Variants in SRRM4 observed in about 807,000 individuals in gnomAD.
The protein encoded by SRRM4 is serine/arginine repetitive matrix protein 4.
Under a neutral mutation model 68.9 loss-of-function variants are expected in SRRM4, and 33 were observed. The ratio of observed to expected loss-of-function variants is 0.48; its 90% confidence interval spans 0.36 to 0.64. The LOEUF (loss-of-function observed/expected upper bound fraction) is 0.64, where lower values mean the gene tolerates loss of function less well. Ranked by LOEUF, SRRM4 falls within the 30% of genes least tolerant of loss-of-function variation. SRRM4 has a pLI of 0.00. For missense variants in SRRM4, 817 were observed against 827.1 expected, an observed-to-expected ratio of 0.99 and a Z score of 0.15; for synonymous variants, 318 against 318.8, an observed-to-expected ratio of 1.00 and a Z score of 0.03.
intron 1 of SRRM4, among the ~76,000 whole-genome samples, chr12:119,087,260 G>A (rs186300707): frequency 1.2e-4 from 18 of 152,318 alleles, no homozygotes; most frequent in Non-Finnish European, 2.1e-4. Flanking sequence ...CACATAGCTG[G>A]TGCTCCACGA....
At position 119,043,264 on chromosome 12, in the gene SRRM4, T is replaced by C. The variant is rs558358479; in HGVS notation, c.132-58972T>C. Among the ~76,000 whole-genome samples, 20 of 152,234 alleles carry C rather than the reference T, an allele frequency of 1.3e-4. No homozygotes were observed. The East Asian group carries it at 3.9e-3, about 29-fold the overall frequency. On this transcript the variant is annotated intron_variant, in intron 1 of 12. Transcript: ENST00000267260. ...GGGCCATGGATGGAGCTGGGAGCCA[T>C]TATCCTCAGCAAACTCACGCAAGAA...
intron 8 of SRRM4, among the ~76,000 whole-genome samples, chr12:119,137,549 T>A (rs967965359): frequency 4.8e-5 from 7 of 146,404 alleles, no homozygotes; most frequent in African/African-American, 1.8e-4. Context: ...GAACACTGAG[T>A]ATATTAAGGA....
At chr12:119,145,355 T>C in intron 8 of SRRM4, 26 bp from the exon 9 acceptor site, 1 of 1,586,518 alleles carries the variant, frequency 6.3e-7, no homozygotes, top group Non-Finnish European at 8.6e-7. Context: ...CGCTCAGCAG[T>C]GTCCAACGGG....
intron 1 of SRRM4, among the ~76,000 whole-genome samples, chr12:119,052,591 C>T (rs533552606): frequency 4.6e-5 from 7 of 152,192 alleles, no homozygotes; most frequent in African/African-American, 7.2e-5. Flanking sequence ...TGTAGTAGCG[C>T]GATCTCGGCT....
chr12:119,141,097 A>G (rs1282500935), intron 8 of SRRM4, among the ~76,000 whole-genome samples: 1 of 152,258 alleles, frequency 6.6e-6, no homozygotes, highest in East Asian at 1.9e-4. Context: ...ACATGCCACC[A>G]CACCCGGCTA....
rs537014391 is a variant in SRRM4, at chr12:119,162,529, G to A, written c.*5731G>A. The A allele has an allele frequency of 6.6e-6, 1 of 152,206 alleles. No individual in the cohort carries two copies. Among genetic ancestry groups the A allele is most frequent in the Non-Finnish European group, 1.5e-5 (1 of 68,036 alleles). 9.4% of individuals were successfully genotyped at this position (152,206 alleles called of 1,614,324 possible). ...CAGAGGAGAAAACTGAGGCTCAGGA[G>A]GGGGAGTTGACATGCCCAAGCTCCC... On this transcript the variant is annotated 3_prime_UTR_variant, in exon 13 of 13. Transcript: ENST00000267260.
chr12:119,104,758 G>C (rs1954096905), intron 2 of SRRM4, among the ~76,000 whole-genome samples: 1 of 129,214 alleles, frequency 7.7e-6, no homozygotes, highest in African/African-American at 3.0e-5. Flanking sequence ...TACTGCATAT[G>C]TAACTTCTGC....
intron 1 of SRRM4, among the ~76,000 whole-genome samples, chr12:119,073,474 C>T (rs981763503): frequency 2.0e-5 from 3 of 151,984 alleles, no homozygotes; most frequent in African/African-American, 7.3e-5. Flanking sequence ...ATTACAGGCA[C>T]CTGCCATGCC....
intron 1 of SRRM4, among the ~76,000 whole-genome samples, chr12:119,026,508 T>C (rs1409776384): frequency 6.6e-6 from 1 of 151,950 alleles, no homozygotes; most frequent in African/African-American, 2.4e-5. Context: ...ACCACAAATA[T>C]CCTTTTTCTA....
At chr12:119,068,789 T>C (rs951340127) in intron 1 of SRRM4, among the ~76,000 whole-genome samples, 8 of 151,864 alleles carry the variant, frequency 5.3e-5, no homozygotes, top group East Asian at 3.9e-4. Context: ...TAATTGATCT[T>C]AAAAGGAAGG....
intron 1 of SRRM4, among the ~76,000 whole-genome samples, chr12:118,990,161 C>T (rs12318682): frequency 6.6e-6 from 1 of 152,168 alleles, no homozygotes; most frequent in African/African-American, 2.4e-5. Flanking sequence ...TAGAAATGAT[C>T]TGCTCACAGA....
chr12:119,075,698 A>C (rs2136028500), intron 1 of SRRM4, among the ~76,000 whole-genome samples: 1 of 149,936 alleles, frequency 6.7e-6, no homozygotes. Context: ...GATGATGAAG[A>C]TGGTGATGAT....
intron 9 of SRRM4, 75 bp downstream of exon 9, chr12:119,145,760 C>T (rs368163851): frequency 6.6e-6 from 8 of 1,205,122 alleles, no homozygotes; most frequent in Middle Eastern, 2.1e-4. Context: ...TCATCCCAGC[C>T]TCCCCCACTC....
intron 1 of SRRM4, among the ~76,000 whole-genome samples, chr12:119,011,024 A>G (rs1184202670): frequency 6.6e-6 from 1 of 152,222 alleles, no homozygotes; most frequent in Non-Finnish European, 1.5e-5. Context: ...ATAAATATAT[A>G]TGTGTAGAAA....
Position 119,024,579 on chromosome 12 carries a change from C to T in SRRM4, c.131+42566C>T, listed in dbSNP as rs144664421. Among the ~76,000 whole-genome samples the T allele has an allele frequency of 1.2e-4, 18 of 152,310 alleles. No homozygotes were observed. The East Asian group carries it at 3.1e-3, about 26-fold the overall frequency. On this transcript the variant is annotated intron_variant, in intron 1 of 12. Transcript: ENST00000267260. ...GCGTATCTCCTGTATGTCCTGGGTG[C>T]CCCCTCCCCTAACAGGCAGCTTGTC...
chr12:119,041,766 A>T (rs900831011), intron 1 of SRRM4, among the ~76,000 whole-genome samples: 2 of 152,162 alleles, frequency 1.3e-5, no homozygotes, highest in Non-Finnish European at 2.9e-5. Context: ...TGAGACTCCT[A>T]TTTTTAGAGA....
In SRRM4 at chr12:119,025,991, C is replaced by T. The variant is rs76029401; in HGVS notation, c.131+43978C>T. On this transcript the variant is annotated intron_variant, in intron 1 of 12. Coordinates refer to ENST00000267260, the MANE Select transcript of SRRM4 (RefSeq NM_194286.4). Reference sequence around the variant, plus strand: ...GTCCCTGCCTTAGAGTCACGGCCACCGAGCCATTGGCTGGAAGCAACCTGT... The same window carrying T: ...GTCCCTGCCTTAGAGTCACGGCCACTGAGCCATTGGCTGGAAGCAACCTGT... Among the ~76,000 whole-genome samples the T allele has an allele frequency of 4.8e-3, 735 of 152,126 alleles. 6 individuals carry two copies. Among genetic ancestry groups the T allele is most frequent in the Non-Finnish European group, 8.5e-3 (579 of 68,018 alleles).
intron 1 of SRRM4, among the ~76,000 whole-genome samples, chr12:119,021,594 T>C (rs1953516138): frequency 6.6e-6 from 1 of 152,202 alleles, no homozygotes; most frequent in Non-Finnish European, 1.5e-5. Flanking sequence ...AGGTGCCTTC[T>C]CATAAATGGC....
In SRRM4 at chr12:119,160,211, A is replaced by G. The variant is rs1290325388; in HGVS notation, c.*3413A>G. The G allele has an allele frequency of 1.3e-5, 2 of 152,056 alleles. No homozygotes were observed. The highest frequency in any genetic ancestry group is 4.8e-5 in the African/African-American group (2 of 41,392). 9.4% of individuals were successfully genotyped at this position (152,056 alleles called of 1,614,324 possible). ...TGCCCCTTTCCTGGGTGAAGTTTAC[A>G]AGAAGGCTGCTTAAATGCCTGCTTC... is the stretch of plus-strand genomic sequence containing the variant. On this transcript the variant is annotated 3_prime_UTR_variant, in exon 13 of 13. Coordinates refer to ENST00000267260, the MANE Select transcript of SRRM4 (RefSeq NM_194286.4).
Sources: allele counts gnomAD v4.1 joint callset (sites outside exome capture counted in the v4.1 genomes callset), GRCh38; gene constraint gnomAD v4.1.1; transcripts MANE v1.5; gene names NCBI Gene and HGNC (gene_info 2026-07-23, HGNC 2026-07-21).